Variants in STXBP5L observed in about 807,000 individuals in gnomAD.
STXBP5L encodes syntaxin-binding protein 5-like.
In STXBP5L, 65 loss-of-function variants were observed where a neutral mutation model predicts 144.5. The observed-to-expected ratio is 0.45, with a 90% CI of 0.37 to 0.55. The LOEUF (loss-of-function observed/expected upper bound fraction) is 0.55. Ranked by LOEUF, STXBP5L falls within the 20% of genes least tolerant of loss-of-function variation. The pLI, the probability that STXBP5L is intolerant of heterozygous loss-of-function variation, is 0.00. For missense variants in STXBP5L, 1,298 were observed against 1,405.5 expected (o/e 0.92, Z 1.22); for synonymous variants, 505 against 469.6 (o/e 1.08, Z -0.97).
intron 22 of STXBP5L, among the ~76,000 whole-genome samples, chr3:121,394,688 T>A (rs2046683227): frequency 7.2e-6 from 1 of 139,222 alleles, no homozygotes; most frequent in Non-Finnish European, 1.5e-5. Context: ...CACTGCAAGC[T>A]CCACCTCCTG....
chr3:120,989,736 A>T (rs1222094618), intron 3 of STXBP5L, among the ~76,000 whole-genome samples: 1 of 152,016 alleles, frequency 6.6e-6, no homozygotes, highest in Non-Finnish European at 1.5e-5. Context: ...TAGGATTGTT[A>T]TGTCCCACTG....
intron 26 of STXBP5L, 104 bp from the exon 27 acceptor site, chr3:121,418,946 TTGATTA>T (rs2047304379): frequency 8.8e-7 from 1 of 1,139,944 alleles, no homozygotes; most frequent in African/African-American, 1.6e-5. Context: ...GCCACTCAGT[TTGATTA>T]TAAGTTTTGA....
chr3:121,378,772 C>A lies in STXBP5L; in HGVS notation c.2233C>A (p.Arg745Ser). The part of the protein sequence containing the change: ...PTSQSCSSGK[R>S]LSSADVSKVN... ...TTCTCAGAGTTGCAGTTCTGGAAAA[C>A]GTCTTTCTAGTGCCGATGTTTCAAA... Residue 745 changes from arginine to serine, a missense_variant, in exon 21 of 27, where the codon CGT (arginine) becomes AGT (serine). Physicochemically the swap from Arg to Ser is moderately radical, Grantham distance 110. Coordinates refer to ENST00000471454, the MANE Select transcript of STXBP5L (RefSeq NM_001308330.2). The A allele has an allele frequency of 1.9e-6, 3 of 1,613,698 alleles. No homozygotes were observed. Among genetic ancestry groups the A allele is most frequent in the Admixed American group, 1.7e-5 (1 of 59,884 alleles).
intron 3 of STXBP5L, among the ~76,000 whole-genome samples, chr3:121,007,614 T>A (rs929715285): frequency 3.3e-5 from 5 of 152,026 alleles, no homozygotes; most frequent in Non-Finnish European, 5.9e-5. Context: ...TGTTAAATCA[T>A]TACTTGACGC....
intron 19 of STXBP5L, among the ~76,000 whole-genome samples, chr3:121,294,064 G>C (rs1319643837): frequency 6.6e-6 from 1 of 152,188 alleles, no homozygotes; most frequent in Non-Finnish European, 1.5e-5. Context: ...TTTAATTTAA[G>C]CAGGGGAATG....
In STXBP5L at chr3:120,999,879, G is replaced by T. The variant is rs546878738; in HGVS notation, c.288-41821G>T. Among the ~76,000 whole-genome samples, 8 of 152,158 alleles carry T rather than the reference G, an allele frequency of 5.3e-5. No homozygotes were observed. The East Asian group carries it at 7.7e-4, about 15-fold the overall frequency. ...AATATTTCATTTCTCCTTTAGTTTG[G>T]TGGGATATGAAATTTGTGATTGACA... On this transcript the variant is annotated intron_variant, in intron 3 of 26. Transcript: ENST00000471454.
intron 5 of STXBP5L, among the ~76,000 whole-genome samples, chr3:121,054,422 G>T (rs951397439): frequency 6.6e-6 from 1 of 151,972 alleles, no homozygotes; most frequent in Non-Finnish European, 1.5e-5. Context: ...TAAAAAGGAT[G>T]AGTTCATGTC....
intron 9 of STXBP5L, among the ~76,000 whole-genome samples, chr3:121,173,332 A>AAT (rs2046803727): frequency 8.2e-6 from 1 of 122,084 alleles, no homozygotes; most frequent in Non-Finnish European, 1.6e-5. Context: ...ATATAATAAT[A>AAT]ATAATAATAA....
chr3:121,193,641 C>T (rs2047798332), intron 9 of STXBP5L, among the ~76,000 whole-genome samples: 1 of 152,136 alleles, frequency 6.6e-6, no homozygotes, highest in South Asian at 2.1e-4. Context: ...ACTATGCAGC[C>T]ATAAAAAAGG....
intron 3 of STXBP5L, among the ~76,000 whole-genome samples, chr3:121,037,820 T>C (rs1226546597): frequency 2.0e-5 from 3 of 152,102 alleles, no homozygotes; most frequent in African/African-American, 7.2e-5. Flanking sequence ...GAAATAATTT[T>C]AATTAGAATT....
chr3:120,968,346 C>A (rs1167606601), intron 3 of STXBP5L, among the ~76,000 whole-genome samples: 2 of 152,132 alleles, frequency 1.3e-5, no homozygotes, highest in Admixed American at 6.6e-5. Flanking sequence ...CCTTCATCAT[C>A]ATATAATGAC....
At chr3:121,022,218 G>A (rs528502441) in intron 3 of STXBP5L, among the ~76,000 whole-genome samples, 2 of 151,950 alleles carry the variant, frequency 1.3e-5, no homozygotes, top group African/African-American at 4.8e-5. Context: ...ATTAAACCAG[G>A]AAGAAATAGA....
chr3:121,094,849 T>G (rs566702291), intron 5 of STXBP5L, among the ~76,000 whole-genome samples: 1 of 152,156 alleles, frequency 6.6e-6, no homozygotes, highest in African/African-American at 2.4e-5. Context: ...CGTTAGTTGA[T>G]GCAGTTTCTT....
chr3:120,921,269 G>C (rs1347020852), intron 2 of STXBP5L, among the ~76,000 whole-genome samples: 1 of 151,928 alleles, frequency 6.6e-6, no homozygotes, highest in Non-Finnish European at 1.5e-5. Context: ...CCATTTGTAT[G>C]TCTTCTTTGA....
At chr3:121,411,404 C>A (rs537688766) in intron 23 of STXBP5L, among the ~76,000 whole-genome samples, 2 of 152,006 alleles carry the variant, frequency 1.3e-5, no homozygotes, top group African/African-American at 4.8e-5. Flanking sequence ...ATTGTGCACA[C>A]TTAGAATCAG....
At chr3:120,969,792 C>T (rs150477257) in intron 3 of STXBP5L, among the ~76,000 whole-genome samples, 2 of 151,672 alleles carry the variant, frequency 1.3e-5, no homozygotes, top group African/African-American at 4.8e-5. Flanking sequence ...AGACTTTTGT[C>T]CACTTACCTT....
At chr3:121,342,793 G>C (rs1343627966) in intron 20 of STXBP5L, among the ~76,000 whole-genome samples, 5 of 145,794 alleles carry the variant, frequency 3.4e-5, no homozygotes, top group Admixed American at 1.4e-4. Flanking sequence ...TGTGAATAGT[G>C]CCACAATAAA....
chr3:121,054,931 G>A (rs1475039481), intron 5 of STXBP5L, among the ~76,000 whole-genome samples: 1 of 152,014 alleles, frequency 6.6e-6, no homozygotes, highest in African/African-American at 2.4e-5. Context: ...CCTCACAATT[G>A]GAATGTTGAA....
intron 2 of STXBP5L, among the ~76,000 whole-genome samples, chr3:120,954,469 T>A (rs1937802683): frequency 6.6e-6 from 1 of 152,140 alleles, no homozygotes; most frequent in Admixed American, 6.6e-5. Flanking sequence ...TTTGTGTTGT[T>A]GCATCTATCA....
Sources: allele counts gnomAD v4.1 joint callset (sites outside exome capture counted in the v4.1 genomes callset), GRCh38; gene constraint gnomAD v4.1.1; transcripts MANE v1.5; gene names NCBI Gene and HGNC (gene_info 2026-07-23, HGNC 2026-07-21).